The following SEPSECS variants were observed in gnomAD, a reference collection of about 807,000 sequenced individuals.
The protein encoded by SEPSECS is Sep (O-phosphoserine) tRNA:Sec (selenocysteine) tRNA synthase.
Under a neutral mutation model 52.1 loss-of-function variants are expected in SEPSECS, and 42 were observed. The ratio of observed to expected loss-of-function variants is 0.81; its 90% CI spans 0.63 to 1.04. SEPSECS has a LOEUF of 1.04. Ranked by LOEUF, SEPSECS falls within the 50% of genes least tolerant of loss-of-function variation. SEPSECS has a pLI of 0.00. For missense variants in SEPSECS, 590 were observed against 610.6 expected, an observed-to-expected ratio of 0.97 and a Z score of 0.36; for synonymous variants, 216 against 211.4, an observed-to-expected ratio of 1.02 and a Z score of -0.19.
chr4:25,151,841 T>C, intron 6 of SEPSECS, 119 bp downstream of exon 6: 1 of 693,120 alleles, frequency 1.4e-6, no homozygotes, highest in Non-Finnish European at 2.7e-6. Context: ...TAACACAACC[T>C]GAAGCAGATG....
chr4:25,144,073 G>A lies in SEPSECS; in HGVS notation c.1026+701C>T, dbSNP rs1711792619. 6.6e-5 allele frequency among the ~76,000 whole-genome samples: 10 copies of A among 152,112 alleles called. No individual in the cohort carries two copies. The South Asian group carries it at 2.1e-3, about 32-fold the overall frequency. ...GACAAGAAATAGGCCAGGCGTGGTG[G>A]GTAACGTCTGTAATCCCAGCACTTT... is the stretch of plus-strand genomic sequence containing the variant. On this transcript the variant is annotated intron_variant, in intron 8 of 10. Transcript: ENST00000382103.
At chr4:25,131,363 A>G (rs1394528619) in intron 8 of SEPSECS, among the ~76,000 whole-genome samples, 1 of 152,220 alleles carries the variant, frequency 6.6e-6, no homozygotes, top group Non-Finnish European at 1.5e-5. Flanking sequence ...CAGGTAATAA[A>G]CCAAAAGAAA....
At chr4:25,158,118 G>A (rs1244951146) in intron 2 of SEPSECS, among the ~76,000 whole-genome samples, 1 of 152,152 alleles carries the variant, frequency 6.6e-6, no homozygotes, top group Admixed American at 6.5e-5. Context: ...TACTAGTGCT[G>A]TACTTCCTCA....
intron 5 of SEPSECS, among the ~76,000 whole-genome samples, chr4:25,154,300 G>T (rs989449223): frequency 1.3e-5 from 2 of 151,960 alleles, no homozygotes; most frequent in African/African-American, 4.8e-5. Context: ...GATGCTACAA[G>T]AAAAGCCCAA....
At chr4:25,141,469 C>T (rs533972852) in intron 8 of SEPSECS, among the ~76,000 whole-genome samples, 1 of 152,164 alleles carries the variant, frequency 6.6e-6, no homozygotes, top group African/African-American at 2.4e-5. Context: ...AGTCTTCCCC[C>T]AAAACCTACA....
chr4:25,128,008 T>A (rs1728452298), intron 8 of SEPSECS, among the ~76,000 whole-genome samples: 1 of 152,192 alleles, frequency 6.6e-6, no homozygotes, highest in African/African-American at 2.4e-5. Flanking sequence ...TCTTGGCAAA[T>A]GCTAAAGACA....
rs183243421 is a variant in SEPSECS at position 25,141,294 on chromosome 4, C to T, written c.1026+3480G>A. Among the ~76,000 whole-genome samples the T allele has an allele frequency of 4.1e-4, 63 of 152,302 alleles. No homozygotes were observed. The South Asian group carries it at 0.012, about 28-fold the overall frequency. On this transcript the variant is annotated intron_variant, in intron 8 of 10. Coordinates refer to ENST00000382103, the MANE Select transcript of SEPSECS (RefSeq NM_016955.4). Reference sequence around the variant, plus strand: ...AGTCCTTATACCTCTTTTCTGTTTACACTCACTGTCTTGCAATCTCATCTA... The same window carrying T: ...AGTCCTTATACCTCTTTTCTGTTTATACTCACTGTCTTGCAATCTCATCTA...
chr4:25,127,969 A>T lies in SEPSECS; in HGVS notation c.1027-612T>A, dbSNP rs138839677. 5.1e-4 allele frequency among the ~76,000 whole-genome samples: 77 copies of T among 152,212 alleles called. 1 individual carries two copies. The East Asian group carries it at 8.3e-3, about 16-fold the overall frequency. ...AAACCTTTGTGCTTGCTTTCCCTGC[A>T]TTTCCTAGATCATTCCCCAAGTGGT... On this transcript the variant is annotated intron_variant, in intron 8 of 10. Coordinates refer to ENST00000382103, the MANE Select transcript of SEPSECS (RefSeq NM_016955.4).
At position 25,159,111 on chromosome 4, in the gene SEPSECS, A is replaced by G. The variant is rs766639071; in HGVS notation, c.115-4T>C. ...AGCCATTCTCTGGACACTTGCCCTT[A>G]AAAAAAAAAAAAAACTTATGATTAT... is the stretch of plus-strand genomic sequence containing the variant. On this transcript the variant is annotated splice_region_variant and splice_polypyrimidine_tract_variant and intron_variant, in intron 1 of 10. Transcript: ENST00000382103. 70 of 623,166 alleles carry G rather than the reference A, an allele frequency of 1.1e-4. No individual in the cohort carries two copies. The highest frequency in any genetic ancestry group is 2.2e-4 in the Admixed American group (5 of 23,070). 38.6% of individuals were successfully genotyped at this position (623,166 alleles called of 1,614,324 possible). A position where few individuals can be genotyped will look rare whatever the true frequency, so the allele number is the denominator to read the frequency against.
intron 8 of SEPSECS, among the ~76,000 whole-genome samples, chr4:25,139,788 T>C (rs567014293): frequency 5.9e-5 from 9 of 152,192 alleles, no homozygotes; most frequent in African/African-American, 2.2e-4. Context: ...TAGGGAGTGA[T>C]AGCAGTGGAA....
At position 25,155,081 on chromosome 4, in the gene SEPSECS, C is replaced by T. The variant is rs763231224; in HGVS notation, c.618G>A (p.Glu206=). 4 of 1,614,100 alleles carry T rather than the reference C, an allele frequency of 2.5e-6. No individual in the cohort carries two copies. In the South Asian group the frequency reaches 4.4e-5, roughly 18 times the overall value. The part of the protein sequence containing the change: ...DELRTDLKAV[E]AKVQELGPDC... ...CAGGCCCAAGTTCCTGGACTTTAGC[C>T]TCCACTGCTTTCAGGTCTGTACGCA... is the stretch of plus-strand genomic sequence containing the variant. Residue 206 remains glutamate, a synonymous_variant, in exon 5 of 11, where the codon GAG becomes GAA. Coordinates refer to ENST00000382103, the MANE Select transcript of SEPSECS (RefSeq NM_016955.4).
rs576788398 is a variant in SEPSECS at position 25,138,542 on chromosome 4, C to T, written c.1026+6232G>A. Among the ~76,000 whole-genome samples, 70 of 149,124 alleles carry T rather than the reference C, an allele frequency of 4.7e-4. 2 individuals carry two copies. In the South Asian group the frequency reaches 0.014, roughly 30 times the overall value. On this transcript the variant is annotated intron_variant, in intron 8 of 10. Coordinates refer to ENST00000382103, the MANE Select transcript of SEPSECS (RefSeq NM_016955.4). ...GTGCTCAATATAAAACAAAAAGCAGCTAAGAAAAAAGAAAAAAAAATCTAA... is the reference window on the plus strand; with the variant it reads ...GTGCTCAATATAAAACAAAAAGCAGTTAAGAAAAAAGAAAAAAAAATCTAA...
At chr4:25,158,566 T>C (rs1274631545) in intron 2 of SEPSECS, among the ~76,000 whole-genome samples, 2 of 150,228 alleles carry the variant, frequency 1.3e-5, no homozygotes, top group African/African-American at 4.9e-5. Flanking sequence ...AGTTGATAAC[T>C]ATAAATCATT....
At chr4:25,125,512 A>C (rs532321231) in intron 10 of SEPSECS, 182 bp downstream of exon 10, 1 of 615,750 alleles carries the variant, frequency 1.6e-6, no homozygotes, top group African/African-American at 1.8e-5. Flanking sequence ...TTCAGGCATA[A>C]GCAGTCCACA....
intron 8 of SEPSECS, among the ~76,000 whole-genome samples, chr4:25,135,283 T>C (rs894596333): frequency 6.8e-6 from 1 of 147,890 alleles, no homozygotes; most frequent in African/African-American, 2.5e-5. Flanking sequence ...CAGGAGTGGG[T>C]TTTTTTAAAA....
chr4:25,130,763 G>A (rs1309808647), intron 8 of SEPSECS, among the ~76,000 whole-genome samples: 1 of 152,072 alleles, frequency 6.6e-6, no homozygotes, highest in Non-Finnish European at 1.5e-5. Context: ...TCGTTTAGGA[G>A]ACTATACCAC....
chr4:25,128,818 A>C (rs1052979048), intron 8 of SEPSECS, among the ~76,000 whole-genome samples: 3 of 152,010 alleles, frequency 2.0e-5, no homozygotes, highest in Admixed American at 6.6e-5. Context: ...AGACAGCAAG[A>C]AATGACACTT....
rs146169013 is a variant in SEPSECS, at chr4:25,131,223, G to A, written c.1027-3866C>T. ...TAGCCCGTCTCTCCCAGAATCCAAA[G>A]ATGTGCATAATTCACTAAATTTTAT... On this transcript the variant is annotated intron_variant, in intron 8 of 10. Transcript: ENST00000382103. Among the ~76,000 whole-genome samples, 299 of 152,264 alleles carry A rather than the reference G, an allele frequency of 2.0e-3. 1 individual carries two copies. In the South Asian group the frequency reaches 0.02, roughly 10 times the overall value.
rs1343018422 is a variant in SEPSECS, at chr4:25,120,908, AAGCCAT to A, written c.*3017_*3022del. ...GTTTAAATTTTACTAAAATCTATGGAAGCCATAGATGTAGTCTAAGCACATTCTGTA... is the reference window on the plus strand; with the variant it reads ...GTTTAAATTTTACTAAAATCTATGGAAGATGTAGTCTAAGCACATTCTGTA... On this transcript the variant is annotated 3_prime_UTR_variant, in exon 11 of 11. Transcript: ENST00000382103. The A allele has an allele frequency of 6.6e-6, 1 of 152,152 alleles. No homozygotes were observed. Among genetic ancestry groups the A allele is most frequent in the Non-Finnish European group, 1.5e-5 (1 of 68,002 alleles). 9.4% of individuals were successfully genotyped at this position (152,152 alleles called of 1,614,324 possible).
Sources: gnomAD v4.1 joint callset for allele counts (sites outside exome capture counted in the v4.1 genomes callset) on GRCh38, gnomAD v4.1.1 for gene constraint, MANE v1.5 for transcripts, NCBI Gene and HGNC (gene_info 2026-07-23, HGNC 2026-07-21) for gene names.